The following NPSR1 variants were observed in gnomAD, a reference collection of about 807,000 sequenced individuals.
The protein encoded by NPSR1 is neuropeptide S receptor.
Under a neutral mutation model 46.9 loss-of-function variants are expected in NPSR1, and 48 were observed. The ratio of observed to expected loss-of-function variants is 1.02; its 90% CI spans 0.81 to 1.30. NPSR1 has a LOEUF of 1.30. NPSR1 is among the 50% of genes most tolerant of loss of function. The pLI is 0.00. For synonymous variants in NPSR1, 176 were observed against 168.1 expected (o/e 1.05, Z -0.36); for missense variants, 450 against 449.5 (o/e 1.00, Z -0.01).
chr7:34,857,828 A>G (rs1008260041), intron 8 of NPSR1, among the ~76,000 whole-genome samples: 1 of 151,844 alleles, frequency 6.6e-6, no homozygotes, highest in East Asian at 1.9e-4. Flanking sequence ...GTAATATATA[A>G]AAACTACTGC....
intron 2 of NPSR1, among the ~76,000 whole-genome samples, chr7:34,764,340 A>T (rs1455400351): frequency 6.6e-6 from 1 of 152,250 alleles, no homozygotes; most frequent in Non-Finnish European, 1.5e-5. Context: ...AAGGAAAGTC[A>T]CAGTAGGACA....
At chr7:34,719,158 G>A (rs1211357966) in intron 2 of NPSR1, 1 of 152,346 alleles carries the variant, frequency 6.6e-6, no homozygotes, top group East Asian at 1.9e-4. Flanking sequence ...TATGCCAGGG[G>A]TGTGTGAGCA....
intron 2 of NPSR1, chr7:34,711,385 T>G (rs1261174608): frequency 6.6e-6 from 1 of 152,376 alleles, no homozygotes; most frequent in Non-Finnish European, 1.5e-5. Flanking sequence ...ATCCTCTCTA[T>G]GAGATGGAAT....
At position 34,805,118 on chromosome 7, in the gene NPSR1, T is replaced by C. The variant is rs193111508; in HGVS notation, c.385-6652T>C. The stretch of plus-strand genomic sequence containing the variant: ...AAGATGTCTATTCTGCCCAACGTGA[T>C]CTATAAATTCAATACAATTCCAATC... On this transcript the variant is annotated intron_variant, in intron 3 of 8. Transcript: ENST00000360581. Among the ~76,000 whole-genome samples the C allele has an allele frequency of 6.6e-5, 10 of 152,072 alleles. No homozygotes were observed. The East Asian group carries it at 1.7e-3, about 26-fold the overall frequency.
chr7:34,836,330 T>C (rs1790368562), intron 6 of NPSR1, among the ~76,000 whole-genome samples: 1 of 152,138 alleles, frequency 6.6e-6, no homozygotes, highest in Non-Finnish European at 1.5e-5. Flanking sequence ...ATGCAGTAAG[T>C]ACTATAATTA....
chr7:34,852,019 C>G (rs988394331), downstream of NPSR1, among the ~76,000 whole-genome samples: 1 of 152,060 alleles, frequency 6.6e-6, no homozygotes, highest in African/African-American at 2.4e-5. Flanking sequence ...GGTAATTGGC[C>G]GGGCACAGTG....
intron 3 of NPSR1, among the ~76,000 whole-genome samples, chr7:34,785,816 T>C (rs1325379987): frequency 6.6e-6 from 1 of 152,204 alleles, no homozygotes; most frequent in South Asian, 2.1e-4. Context: ...CATTTTACTG[T>C]AGCCTTTTAA....
At chr7:34,791,059 T>C (rs1584029709) in intron 3 of NPSR1, among the ~76,000 whole-genome samples, 1 of 118,110 alleles carries the variant, frequency 8.5e-6, no homozygotes, top group African/African-American at 3.6e-5. Context: ...TGTTATATGT[T>C]ATATATTATA....
At chr7:34,728,553 A>G (rs1298271937) in intron 2 of NPSR1, among the ~76,000 whole-genome samples, 1 of 152,214 alleles carries the variant, frequency 6.6e-6, no homozygotes, top group African/African-American at 2.4e-5. Flanking sequence ...GCCAAATGGA[A>G]CTGGAGAAAA....
chr7:34,667,434 C>T (rs921985828), intron 1 of NPSR1, among the ~76,000 whole-genome samples: 2 of 152,130 alleles, frequency 1.3e-5, no homozygotes, highest in Non-Finnish European at 2.9e-5. Context: ...AGGGGAGGAC[C>T]GATGCTCTTC....
intron 2 of NPSR1, among the ~76,000 whole-genome samples, chr7:34,720,379 T>C (rs1199911296): frequency 6.6e-6 from 1 of 151,914 alleles, no homozygotes; most frequent in Non-Finnish European, 1.5e-5. Flanking sequence ...CTGTAGATGC[T>C]ACTAGGCTGT....
intron 1 of NPSR1, among the ~76,000 whole-genome samples, chr7:34,672,861 G>A (rs540821419): frequency 2.4e-4 from 36 of 152,238 alleles, no homozygotes; most frequent in African/African-American, 7.9e-4. Context: ...TTCTAACTCC[G>A]GACAATGACA....
chr7:34,831,234 G>A (rs893948795), intron 5 of NPSR1, among the ~76,000 whole-genome samples: 16 of 151,858 alleles, frequency 1.1e-4, no homozygotes, highest in African/African-American at 3.6e-4. Flanking sequence ...AAATTGCACC[G>A]AACAACAGAT....
intron 2 of NPSR1, among the ~76,000 whole-genome samples, chr7:34,696,953 C>A (rs1385548696): frequency 6.6e-6 from 1 of 151,920 alleles, no homozygotes; most frequent in Non-Finnish European, 1.5e-5. Context: ...TATGCTAGCT[C>A]ATGATGTATT....
intron 3 of NPSR1, among the ~76,000 whole-genome samples, chr7:34,790,903 G>C (rs1255914924): frequency 2.3e-5 from 3 of 129,628 alleles, no homozygotes; most frequent in Admixed American, 1.7e-4. Flanking sequence ...TATGTTATAT[G>C]TTATATTATA....
downstream of NPSR1, among the ~76,000 whole-genome samples, chr7:34,852,391 A>G (rs573760615): frequency 1.7e-4 from 26 of 152,210 alleles, no homozygotes; most frequent in African/African-American, 6.3e-4. Context: ...TAGTCTTGTG[A>G]CCTTGAACAA....
At chr7:34,852,116 G>A (rs548814584), downstream of NPSR1, among the ~76,000 whole-genome samples, 3 of 152,206 alleles carry the variant, frequency 2.0e-5, no homozygotes, top group South Asian at 4.1e-4. Context: ...GCTAACACAC[G>A]GTGAAACCCT....
chr7:34,803,522 A>T (rs1331244480), intron 3 of NPSR1, among the ~76,000 whole-genome samples: 1 of 151,778 alleles, frequency 6.6e-6, no homozygotes, highest in African/African-American at 2.4e-5. Context: ...GACAATGAGA[A>T]CACATGGACA....
intron 4 of NPSR1, among the ~76,000 whole-genome samples, chr7:34,821,925 A>G (rs1486550662): frequency 1.3e-5 from 2 of 152,208 alleles, no homozygotes; most frequent in Non-Finnish European, 2.9e-5. Context: ...TCCTCTGCCC[A>G]GGCCCAACGA....
Sources: gnomAD v4.1 joint callset for allele counts (sites outside exome capture counted in the v4.1 genomes callset) on GRCh38, gnomAD v4.1.1 for gene constraint, MANE v1.5 for transcripts, NCBI Gene and HGNC (gene_info 2026-07-23, HGNC 2026-07-21) for gene names.